ELMO1: variants seen among roughly 807,000 people sequenced by gnomAD.
ELMO1 encodes the protein engulfment and cell motility 1.
A neutral mutation model predicts 98.9 loss-of-function variants in ELMO1; 26 were observed. The ratio of observed to expected loss-of-function variants is 0.26; its 90% CI spans 0.19 to 0.36. The LOEUF (loss-of-function observed/expected upper bound fraction) is 0.36, where lower values mean the gene tolerates loss of function less well. ELMO1 is among the 10% of genes least tolerant of loss of function. The pLI, the probability that ELMO1 is intolerant of heterozygous loss-of-function variation, is 1.00. For missense variants in ELMO1, 627 were observed against 935.2 expected (o/e 0.67, Z 4.30); for synonymous variants, 346 against 346.0 (o/e 1.00, Z 0.00).
chr7:37,304,746 A>G (rs1298653691), intron 4 of ELMO1, among the ~76,000 whole-genome samples: 1 of 151,604 alleles, frequency 6.6e-6, no homozygotes, highest in African/African-American at 2.4e-5. Context: ...AAAGTAAAAC[A>G]CTCTTGGTTC....
chr7:37,158,405 C>G (rs891232978), intron 13 of ELMO1, among the ~76,000 whole-genome samples: 4 of 152,098 alleles, frequency 2.6e-5, no homozygotes, highest in African/African-American at 9.7e-5. Flanking sequence ...TGCAATCTAT[C>G]CATCTGACAA....
intron 16 of ELMO1, among the ~76,000 whole-genome samples, chr7:36,928,653 G>C (rs1034504518): frequency 6.6e-6 from 1 of 152,170 alleles, no homozygotes; most frequent in Non-Finnish European, 1.5e-5. Flanking sequence ...TCATCTTGAA[G>C]GAGCAGGCCG....
chr7:37,100,556 ACT>A (rs1196444365), intron 14 of ELMO1, among the ~76,000 whole-genome samples: 1 of 151,890 alleles, frequency 6.6e-6, no homozygotes, highest in East Asian at 1.9e-4. Context: ...TCTCTGACAC[ACT>A]CTCTCTTCCA....
At chr7:37,267,024 AAAATATG>A (rs59192741) in intron 5 of ELMO1, among the ~76,000 whole-genome samples, 2,336 of 108,746 alleles carry the variant, frequency 0.021, 241 homozygotes, top group East Asian at 0.1. Flanking sequence ...AAAAAAAAAA[AAAATATG>A]TATATATACA....
intron 16 of ELMO1, among the ~76,000 whole-genome samples, chr7:36,983,485 T>G (rs965622269): frequency 4.6e-5 from 7 of 152,164 alleles, no homozygotes; most frequent in South Asian, 2.1e-4. Context: ...CTTCCACATA[T>G]GAATGCAGCA....
chr7:37,429,054 TTA>T (rs1471774038), intron 1 of ELMO1, among the ~76,000 whole-genome samples: 118 of 149,280 alleles, frequency 7.9e-4, no homozygotes, highest in Middle Eastern at 3.4e-3. Flanking sequence ...GTTGTTGTTG[TTA>T]TTTTTTCCAA....
At position 37,216,822 on chromosome 7, in the gene ELMO1, T is replaced by A. The variant is rs1037163412; in HGVS notation, c.781-127A>T. ...ATCAGCAGTATTTCTTATGAAATAA[T>A]GAACTCAAACAGGCAGTAGTATTCA... On this transcript the variant is annotated intron_variant, in intron 10 of 21. Transcript: ENST00000310758. The A allele has an allele frequency of 3.3e-5, 31 of 938,220 alleles. No individual in the cohort carries two copies. In the African/African-American group the frequency reaches 4.4e-4, roughly 13 times the overall value. The allele number at this position is 938,220 out of a possible 1,614,324, so 58.1% of individuals were successfully genotyped here. A position where few individuals can be genotyped will look rare whatever the true frequency, so the allele number is the denominator to read the frequency against.
chr7:37,348,727 A>G (rs1167850709), intron 1 of ELMO1, among the ~76,000 whole-genome samples: 1 of 152,092 alleles, frequency 6.6e-6, no homozygotes, highest in East Asian at 1.9e-4. Flanking sequence ...TCATCTCTCT[A>G]CACATTGTTC....
chr7:37,094,596 G>A (rs1784279090), intron 15 of ELMO1, among the ~76,000 whole-genome samples: 1 of 152,138 alleles, frequency 6.6e-6, no homozygotes, highest in African/African-American at 2.4e-5. Flanking sequence ...TGACCCAGAG[G>A]CCAGCCCACA....
At chr7:37,399,153 C>T (rs1803418832) in intron 1 of ELMO1, among the ~76,000 whole-genome samples, 1 of 152,126 alleles carries the variant, frequency 6.6e-6, no homozygotes, top group Non-Finnish European at 1.5e-5. Flanking sequence ...TTGATCTGCC[C>T]CCTGCTGTGA....
intron 15 of ELMO1, among the ~76,000 whole-genome samples, chr7:37,021,456 G>A (rs1253256366): frequency 1.3e-5 from 2 of 151,864 alleles, no homozygotes; most frequent in Non-Finnish European, 2.9e-5. Flanking sequence ...AAAAAATACC[G>A]ACTAGTGTTA....
At chr7:37,219,990 C>A (rs1793505641) in intron 10 of ELMO1, among the ~76,000 whole-genome samples, 1 of 152,178 alleles carries the variant, frequency 6.6e-6, no homozygotes. Context: ...TTCAGACCAG[C>A]TGAAACTTTA....
intron 15 of ELMO1, among the ~76,000 whole-genome samples, chr7:37,048,459 A>T (rs955901410): frequency 1.3e-5 from 2 of 152,230 alleles, no homozygotes; most frequent in Non-Finnish European, 2.9e-5. Flanking sequence ...GTGCATTTGC[A>T]TAATCATTAT....
At chr7:37,108,117 A>T in intron 14 of ELMO1, among the ~76,000 whole-genome samples, 1 of 152,250 alleles carries the variant, frequency 6.6e-6, no homozygotes, top group East Asian at 1.9e-4. Flanking sequence ...GTTTTACTTG[A>T]GGTTAAAAAA....
Position 36,855,390 on chromosome 7 carries a change from G to T in ELMO1, c.*161C>A, listed in dbSNP as rs1216860821. On this transcript the variant is annotated 3_prime_UTR_variant, in exon 22 of 22. Transcript: ENST00000310758. This position sits in a 1 kb window ranked among gnomAD's most constrained non-coding sequence, Gnocchi z 4.2. ...GGGCGGTGAGCAAGATGCCAGCTAG[G>T]GGCTGAAAGTTGCCAGGGCTAGAGG... 1 of 831,956 alleles carries T rather than the reference G, an allele frequency of 1.2e-6. No individual in the cohort carries two copies. The highest frequency in any genetic ancestry group is 2.5e-5 in the East Asian group (1 of 39,626). 51.5% of individuals were successfully genotyped at this position (831,956 alleles called of 1,614,324 possible).
chr7:37,095,154 C>G (rs996174074), intron 15 of ELMO1, among the ~76,000 whole-genome samples: 1 of 152,174 alleles, frequency 6.6e-6, no homozygotes, highest in African/African-American at 2.4e-5. Context: ...ACAGAAACAC[C>G]TGCCTGGTAG....
At chr7:37,104,641 A>G (rs1032724333) in intron 14 of ELMO1, among the ~76,000 whole-genome samples, 1 of 152,348 alleles carries the variant, frequency 6.6e-6, no homozygotes, top group East Asian at 1.9e-4. Flanking sequence ...CAGGCTGCGG[A>G]GGCCTCAGGC....
intron 13 of ELMO1, among the ~76,000 whole-genome samples, chr7:37,200,739 G>A (rs1457213582): frequency 6.6e-6 from 1 of 152,140 alleles, no homozygotes; most frequent in African/African-American, 2.4e-5. Context: ...GCCAAGGCGG[G>A]TGGGTCGCTT....
chr7:37,205,525 C>A (rs958710137), intron 13 of ELMO1, among the ~76,000 whole-genome samples: 1 of 152,102 alleles, frequency 6.6e-6, no homozygotes, highest in South Asian at 2.1e-4. Context: ...TCTTACACTT[C>A]GGAACATAAA....
Sources: allele counts gnomAD v4.1 joint callset (sites outside exome capture counted in the v4.1 genomes callset), GRCh38; gene constraint gnomAD v4.1.1; non-coding constraint Gnocchi (gnomAD v3.1); transcripts MANE v1.5; gene names NCBI Gene and HGNC (gene_info 2026-07-23, HGNC 2026-07-21).